Variants in CNGB1 observed in about 807,000 individuals in gnomAD.
The protein encoded by CNGB1 is cyclic nucleotide gated channel subunit beta 1, also known as cyclic nucleotide-gated channel beta-1.
In CNGB1, 126 loss-of-function variants were observed where a neutral mutation model predicts 151.7. The ratio of observed to expected loss-of-function variants is 0.83; its 90% CI spans 0.72 to 0.96. The LOEUF is 0.96. Ranked by LOEUF, CNGB1 falls within the 40% of genes least tolerant of loss-of-function variation. The pLI, the probability that CNGB1 is intolerant of heterozygous loss-of-function variation, is 0.00. For missense variants in CNGB1, 1,698 were observed against 1,627.0 expected, an observed-to-expected ratio of 1.04 and a Z score of -0.75; for synonymous variants, 623 against 635.1, an observed-to-expected ratio of 0.98 and a Z score of 0.29.
chr16:57,921,753 G>C (rs931537054), intron 18 of CNGB1, among the ~76,000 whole-genome samples: 1 of 152,196 alleles, frequency 6.6e-6, no homozygotes, highest in Non-Finnish European at 1.5e-5. Context: ...GGTGACCAGT[G>C]GGACATGGGA....
At chr16:57,911,526 T>G (rs1459757167) in intron 25 of CNGB1, among the ~76,000 whole-genome samples, 1 of 152,206 alleles carries the variant, frequency 6.6e-6, no homozygotes, top group East Asian at 1.9e-4. Flanking sequence ...TGATATCAGG[T>G]GATCCGCCTG....
chr16:57,941,098 A>T (rs950248376), intron 14 of CNGB1, among the ~76,000 whole-genome samples: 3 of 152,178 alleles, frequency 2.0e-5, no homozygotes, highest in Admixed American at 6.5e-5. Context: ...TCTGATATTT[A>T]GATGCTGATA....
intron 25 of CNGB1, among the ~76,000 whole-genome samples, chr16:57,911,125 G>A (rs113731218): frequency 3.3e-5 from 5 of 152,150 alleles, no homozygotes; most frequent in African/African-American, 9.6e-5. Context: ...GGCCATGCCC[G>A]GGGAAGCAGG....
chr16:57,897,389 TTACA>T lies in CNGB1; in HGVS notation c.3242+4_3242+7del. 1 of 1,614,086 alleles carries T rather than the reference TTACA, an allele frequency of 6.2e-7. No homozygotes were observed. Among genetic ancestry groups the T allele is most frequent in the South Asian group, 1.1e-5 (1 of 91,076 alleles). ...AATTTTTTATTAAACGAAAGAAAAG[TTACA>T]TACCTGGCTTTCTTCCGGAGTAACT... On this transcript the variant is annotated splice_donor_5th_base_variant and intron_variant, in intron 31 of 32. Transcript: ENST00000251102.
At chr16:57,917,578 C>G in intron 20 of CNGB1, 102 bp from the exon 21 acceptor site, 1 of 1,031,554 alleles carries the variant, frequency 9.7e-7, no homozygotes, top group South Asian at 1.3e-5. Context: ...TCAACTACTA[C>G]ATGTGGCACT....
At chr16:57,962,948 C>T in intron 5 of CNGB1, 26 bp downstream of exon 5, 1 of 1,612,740 alleles carries the variant, frequency 6.2e-7, no homozygotes, top group Admixed American at 1.7e-5. Context: ...CAACCCGGCC[C>T]CTTCAGCCTC....
chr16:57,923,460 A>G, intron 17 of CNGB1, 80 bp from the exon 18 acceptor site: 1 of 1,151,930 alleles, frequency 8.7e-7, no homozygotes, highest in Non-Finnish European at 1.3e-6. Flanking sequence ...TGATCCCTAA[A>G]GATCATCTAG....
intron 12 of CNGB1, among the ~76,000 whole-genome samples, chr16:57,952,984 G>A (rs2149382922): frequency 6.6e-6 from 1 of 152,312 alleles, no homozygotes. Context: ...GCGTGGTGCA[G>A]GAGCCCCTGG....
At chr16:57,956,886 C>G (rs1962100075) in intron 12 of CNGB1, among the ~76,000 whole-genome samples, 1 of 152,144 alleles carries the variant, frequency 6.6e-6, no homozygotes, top group Non-Finnish European at 1.5e-5. Context: ...CTCCCCAACC[C>G]AGCTGCAGGT....
intron 14 of CNGB1, among the ~76,000 whole-genome samples, chr16:57,941,488 C>T (rs1051371406): frequency 6.6e-6 from 1 of 152,204 alleles, no homozygotes; most frequent in Non-Finnish European, 1.5e-5. Flanking sequence ...ATCACATTGC[C>T]ACAGCGGCTC....
At chr16:57,911,246 C>T (rs1960701768) in intron 25 of CNGB1, among the ~76,000 whole-genome samples, 1 of 152,198 alleles carries the variant, frequency 6.6e-6, no homozygotes, top group African/African-American at 2.4e-5. Flanking sequence ...CATGCAGGTG[C>T]TCAGGAAACC....
At chr16:57,888,442 CCTCT>C (rs1289632970) in intron 31 of CNGB1, among the ~76,000 whole-genome samples, 1 of 150,366 alleles carries the variant, frequency 6.7e-6, no homozygotes, top group Non-Finnish European at 1.5e-5. Context: ...CTCTTCTCTT[CCTCT>C]CTCTCTCTGT....
intron 18 of CNGB1, 28 bp from the exon 19 acceptor site, chr16:57,920,572 A>C (rs1961005033): frequency 6.2e-7 from 1 of 1,608,282 alleles, no homozygotes; most frequent in African/African-American, 1.3e-5. Flanking sequence ...AAAGCTGAGC[A>C]GGCTGAGCCG....
chr16:57,886,775 A>G (rs1345777906), intron 32 of CNGB1, among the ~76,000 whole-genome samples: 1 of 152,248 alleles, frequency 6.6e-6, no homozygotes, highest in Non-Finnish European at 1.5e-5. Flanking sequence ...GGCTTTGGTC[A>G]CAGAAAAAAG....
At chr16:57,916,027 G>A in intron 22 of CNGB1, 102 bp downstream of exon 22, 1 of 1,116,394 alleles carries the variant, frequency 9.0e-7, no homozygotes, top group South Asian at 1.2e-5. Flanking sequence ...CCCTCCGTGT[G>A]GCAGAAACCA....
At position 57,964,219 on chromosome 16, in the gene CNGB1, C is replaced by T; in HGVS notation, c.218-17G>A. 2.5e-6 allele frequency: 4 copies of T among 1,613,274 alleles called. No individual in the cohort carries two copies. Among genetic ancestry groups the T allele is most frequent in the Non-Finnish European group, 8.5e-7 (1 of 1,179,286 alleles). ...CCTTGGTCTCTGGAAAAGAATCTCT[C>T]ATCCTTCAGATCTAGGGCCTCAGAC... On this transcript the variant is annotated splice_polypyrimidine_tract_variant and intron_variant, in intron 3 of 32. Coordinates refer to ENST00000251102, the MANE Select transcript of CNGB1 (RefSeq NM_001297.5).
rs773375439 is a variant in CNGB1 at position 57,917,255 on chromosome 16, G to A, written c.2166+13C>T. ...GCCCCCGGTCACCCCAACACCACCTGCCTGTGACTCACAATGATGTCCCCG... is the reference window on the plus strand; with the variant it reads ...GCCCCCGGTCACCCCAACACCACCTACCTGTGACTCACAATGATGTCCCCG... On this transcript the variant is annotated intron_variant, in intron 21 of 32. Transcript: ENST00000251102. 7.5e-6 allele frequency: 12 copies of A among 1,608,644 alleles called. No homozygotes were observed. The African/African-American group carries it at 9.3e-5, about 13-fold the overall frequency.
Position 57,967,145 on chromosome 16 carries a change from T to C in CNGB1, c.142A>G (p.Thr48Ala). ...EPEPNPEEAE[T>A]ESESMPPEES... ...CCTCTCACCATGGACTCGGACTCTG[T>C]CTCGGCCTCCTCAGGATTCGGTTCT... Residue 48 changes from threonine to alanine, a missense_variant, in exon 2 of 33, where the codon ACA becomes GCA. By Grantham distance (58) the Thr-to-Ala change is moderately conservative. Coordinates refer to ENST00000251102, the MANE Select transcript of CNGB1 (RefSeq NM_001297.5). 6.2e-7 allele frequency: 1 copy of C among 1,614,196 alleles called. No homozygotes were observed. Among genetic ancestry groups the C allele is most frequent in the Non-Finnish European group, 8.5e-7 (1 of 1,180,038 alleles).
intron 12 of CNGB1, chr16:57,955,476 A>T: frequency 1.1e-6 from 1 of 936,724 alleles, no homozygotes; most frequent in Non-Finnish European, 1.7e-6. Context: ...TAAGGGACAC[A>T]TATCCCCCAG....
Sources: allele counts gnomAD v4.1 joint callset (sites outside exome capture counted in the v4.1 genomes callset), GRCh38; gene constraint gnomAD v4.1.1; transcripts MANE v1.5; gene names NCBI Gene and HGNC (gene_info 2026-07-23, HGNC 2026-07-21).